DNAH12: variants seen among roughly 807,000 people sequenced by gnomAD.
The protein encoded by DNAH12 is dynein axonemal heavy chain 12.
In DNAH12, 285 loss-of-function variants were observed where a neutral mutation model predicts 371.5. That is an observed-to-expected ratio of 0.77 (90% CI 0.70 to 0.85). The LOEUF is 0.85. DNAH12 is among the 40% of genes least tolerant of loss of function. The pLI, the probability that DNAH12 is intolerant of heterozygous loss-of-function variation, is 0.00. For synonymous variants in DNAH12, 1,200 were observed against 1,213.0 expected, an observed-to-expected ratio of 0.99 and a Z score of 0.22; for missense variants, 3,611 against 3,689.4, an observed-to-expected ratio of 0.98 and a Z score of 0.55.
chr3:57,322,326 C>A lies in DNAH12; in HGVS notation c.10524+17G>T. On this transcript the variant is annotated intron_variant, in intron 65 of 73. Transcript: ENST00000495027. ...ACTATAAAACACATTTTAAAAGTTC[C>A]AAAAGATGAATATTACCAGTTCCTT... 6.5e-7 allele frequency: 1 copy of A among 1,537,196 alleles called. No individual in the cohort carries two copies. Among genetic ancestry groups the A allele is most frequent in the Non-Finnish European group, 8.8e-7 (1 of 1,140,266 alleles).
chr3:57,406,182 C>T (rs1036400822), intron 40 of DNAH12, among the ~76,000 whole-genome samples: 1 of 151,870 alleles, frequency 6.6e-6, no homozygotes, highest in South Asian at 2.1e-4. Context: ...AAAACCCTGT[C>T]TCTACTAAAA....
intron 69 of DNAH12, among the ~76,000 whole-genome samples, chr3:57,303,474 C>T (rs1442761379): frequency 4.0e-5 from 6 of 150,240 alleles, no homozygotes; most frequent in African/African-American, 1.5e-4. Context: ...TGCAGTGCCA[C>T]GATCTCTGTT....
chr3:57,498,257 G>C (rs1160300967), intron 11 of DNAH12: 1 of 450,468 alleles, frequency 2.2e-6, no homozygotes, highest in Non-Finnish European at 3.9e-6. Context: ...GGAAGAACTG[G>C]AAATCTCATA....
chr3:57,406,340 A>C (rs1464924867), intron 40 of DNAH12, among the ~76,000 whole-genome samples: 5 of 148,556 alleles, frequency 3.4e-5, no homozygotes, highest in Non-Finnish European at 7.4e-5. Flanking sequence ...CTGGGCAACG[A>C]AGTGAGATTC....
chr3:57,414,045 T>A, intron 38 of DNAH12, 133 bp from the exon 39 acceptor site: 1 of 809,036 alleles, frequency 1.2e-6, no homozygotes, highest in Non-Finnish European at 1.9e-6. Context: ...CAGTAACAAT[T>A]ACTATTTGCT....
intron 2 of DNAH12, among the ~76,000 whole-genome samples, chr3:57,537,925 C>T (rs1007142348): frequency 1.8e-4 from 28 of 152,120 alleles, no homozygotes; most frequent in African/African-American, 6.3e-4. Flanking sequence ...CCTCATGATC[C>T]GCCCGCCTTG....
intron 13 of DNAH12, among the ~76,000 whole-genome samples, chr3:57,478,779 T>A (rs916815966): frequency 2.0e-4 from 30 of 152,272 alleles, no homozygotes; most frequent in Non-Finnish European, 4.3e-4. Flanking sequence ...TCAACATTCT[T>A]ACAGAAAAGA....
chr3:57,405,380 C>T (rs1465108699), intron 41 of DNAH12, among the ~76,000 whole-genome samples: 1 of 152,030 alleles, frequency 6.6e-6, no homozygotes, highest in Non-Finnish European at 1.5e-5. Flanking sequence ...CTGGGCGACT[C>T]CCATTGAGTA....
chr3:57,549,650 G>A, the DNAH12 span, among the ~76,000 whole-genome samples: 1 of 151,896 alleles, frequency 6.6e-6, no homozygotes, highest in Admixed American at 6.6e-5. Flanking sequence ...TTGAGACAGG[G>A]TCTGGCTCTG....
At chr3:57,437,291 C>T (rs2065158786) in intron 29 of DNAH12, among the ~76,000 whole-genome samples, 1 of 152,080 alleles carries the variant, frequency 6.6e-6, no homozygotes, top group Non-Finnish European at 1.5e-5. Context: ...CATGATAGTA[C>T]TGGGTGTATG....
In DNAH12 at chr3:57,433,828, A is replaced by T. The variant is rs1247229088; in HGVS notation, c.4656T>A (p.Gly1552=). The T allele has an allele frequency of 2.0e-6, 3 of 1,520,790 alleles. No individual in the cohort carries two copies. In the African/African-American group the frequency reaches 4.2e-5, roughly 21 times the overall value. The allele number at this position is 1,520,790 out of a possible 1,614,324, so 94.2% of individuals were successfully genotyped here. A position where few individuals can be genotyped will look rare whatever the true frequency, so the allele number is the denominator to read the frequency against. Reference sequence around the variant, plus strand: ...CAAAAGGCTCTCCTACTAACATAAAACTATGAAGGAAAAGAAATAATTATA... The same window carrying T: ...CAAAAGGCTCTCCTACTAACATAAATCTATGAAGGAAAAGAAATAATTATA... ...QTYEMMIVRH[G]FMLVGEPFAA... The change falls in exon 31 of 74, where the codon GGT becomes GGA. Residue 1552 remains glycine, a splice_region_variant and synonymous_variant. Transcript: ENST00000495027.
At chr3:57,436,720 G>A (rs1046548175) in intron 30 of DNAH12, among the ~76,000 whole-genome samples, 2 of 152,078 alleles carry the variant, frequency 1.3e-5, no homozygotes, top group African/African-American at 4.8e-5. Context: ...TATGCAAATG[G>A]TGGTATTTAT....
chr3:57,474,673 T>C (rs925324759), intron 13 of DNAH12, among the ~76,000 whole-genome samples: 5 of 152,100 alleles, frequency 3.3e-5, no homozygotes, highest in Non-Finnish European at 7.4e-5. Context: ...TAAAAATAAA[T>C]TTTGGTCGAG....
chr3:57,369,228 AATATATAT>A (rs1189250482), intron 55 of DNAH12, among the ~76,000 whole-genome samples: 1 of 131,732 alleles, frequency 7.6e-6, no homozygotes, highest in Non-Finnish European at 1.6e-5. Context: ...TTAAAAAAAA[AATATATAT>A]ATATATATAT....
chr3:57,410,194 G>A (rs1345117560), intron 39 of DNAH12, among the ~76,000 whole-genome samples: 2 of 151,994 alleles, frequency 1.3e-5, no homozygotes, highest in Non-Finnish European at 2.9e-5. Context: ...ATCTGAAAAA[G>A]TTTTTAGAAA....
chr3:57,323,804 T>C (rs759078723), intron 62 of DNAH12, among the ~76,000 whole-genome samples, 185 bp from the exon 63 acceptor site: 1 of 152,110 alleles, frequency 6.6e-6, no homozygotes, highest in Non-Finnish European at 1.5e-5. Flanking sequence ...GAGAAGACTA[T>C]CCAAAAGATA....
chr3:57,366,569 A>G, intron 57 of DNAH12, among the ~76,000 whole-genome samples, 160 bp downstream of exon 57: 1 of 152,332 alleles, frequency 6.6e-6, no homozygotes, highest in Non-Finnish European at 1.5e-5. Flanking sequence ...TTGGCTTATA[A>G]CTTACTTGTT....
In DNAH12 at chr3:57,502,344, T is replaced by C. The variant is rs1359057324; in HGVS notation, c.1222A>G (p.Arg408Gly). Residue 408 changes from arginine (R) to glycine (G), a missense_variant, in exon 10 of 74, where the codon AGA becomes GGA. Coordinates refer to ENST00000495027, the MANE Select transcript of DNAH12 (RefSeq NM_001366028.2). ...AAVHRNLEGA[R>G]KHYETYVEKY... The stretch of plus-strand genomic sequence containing the variant: ...ACACCATATGTCTCATAATGCTTTC[T>C]TGCACCTTCTAAGTTCCGATGTACT... The C allele has an allele frequency of 1.9e-6, 3 of 1,614,158 alleles. No individual in the cohort carries two copies. Among genetic ancestry groups the C allele is most frequent in the Non-Finnish European group, 2.5e-6 (3 of 1,180,008 alleles).
chr3:57,544,575 CTG>C (rs2069441867), upstream of DNAH12, among the ~76,000 whole-genome samples: 1 of 152,170 alleles, frequency 6.6e-6, no homozygotes, highest in South Asian at 2.1e-4. Context: ...AATCTTCAAA[CTG>C]TGGAAAACTG....
Sources: allele counts gnomAD v4.1 joint callset (sites outside exome capture counted in the v4.1 genomes callset), GRCh38; gene constraint gnomAD v4.1.1; transcripts MANE v1.5; gene names NCBI Gene and HGNC (gene_info 2026-07-23, HGNC 2026-07-21).